RAP1GAP: variants seen among roughly 807,000 people sequenced by gnomAD.
RAP1GAP encodes rap1 GTPase-activating protein 1.
A neutral mutation model predicts 87.2 loss-of-function variants in RAP1GAP; 35 were observed. The ratio of observed to expected loss-of-function variants is 0.40; its 90% confidence interval spans 0.31 to 0.53. The LOEUF (loss-of-function observed/expected upper bound fraction) is 0.53, where lower values mean the gene tolerates loss of function less well. RAP1GAP is among the 20% of genes least tolerant of loss of function. The pLI, the probability that RAP1GAP is intolerant of heterozygous loss-of-function variation, is 0.48. For missense variants in RAP1GAP, 734 were observed against 898.9 expected, an observed-to-expected ratio of 0.82 and a Z score of 2.35; for synonymous variants, 375 against 363.9, an observed-to-expected ratio of 1.03 and a Z score of -0.35.
At chr1:21,606,700 C>T (rs829370) in intron 17 of RAP1GAP, among the ~76,000 whole-genome samples, 138,751 of 152,162 alleles carry the variant, frequency 0.91, 63,263 homozygotes, top group East Asian at 0.97. Context: ...GACCAATCTA[C>T]ACCAAATGCT....
rs1247099727 is a variant in RAP1GAP at position 21,653,575 on chromosome 1, CCTTCCTTCCTTCCTT to C, written c.-148-3794_-148-3780del. 7.6e-5 allele frequency among the ~76,000 whole-genome samples: 10 copies of C among 132,184 alleles called. 1 individual carries two copies. Among genetic ancestry groups the C allele is most frequent in the African/African-American group, 2.5e-4 (9 of 35,806 alleles). The allele number at this position is 132,184 out of a possible 152,430, so 86.7% of individuals were successfully genotyped here. ...TCCTTCCTTCCTTCCTTCCTTCCTT[CCTTCCTTCCTTCCTT>C]CCTCCCTCCCTCCCTCCCTCCTTCC... On this transcript the variant is annotated intron_variant, in intron 1 of 24. Coordinates refer to ENST00000374765, the MANE Select transcript of RAP1GAP (RefSeq NM_002885.4).
intron 2 of RAP1GAP, chr1:21,626,958 G>A (rs1010321100): frequency 1.8e-5 from 8 of 456,618 alleles, no homozygotes; most frequent in African/African-American, 1.4e-4. Flanking sequence ...GGACCCAGCT[G>A]TGCACAGAGG....
Position 21,601,815 on chromosome 1 carries a change from G to A in RAP1GAP, c.1539-18C>T. The A allele has an allele frequency of 1.3e-6, 2 of 1,550,190 alleles. No individual in the cohort carries two copies. Among genetic ancestry groups the A allele is most frequent in the Non-Finnish European group, 1.8e-6 (2 of 1,138,454 alleles). On this transcript the variant is annotated intron_variant, in intron 19 of 24. Transcript: ENST00000374765. The stretch of plus-strand genomic sequence containing the variant: ...GGCTCTCCCTGCGGGGCACACGGGG[G>A]CAGCGGGGGGATTCAGCACCAGGCC...
At chr1:21,637,735 C>A (rs2094984283) in intron 2 of RAP1GAP, among the ~76,000 whole-genome samples, 1 of 151,994 alleles carries the variant, frequency 6.6e-6, no homozygotes, top group Admixed American at 6.6e-5. Context: ...CAAAGAAGGT[C>A]TTTAGTCTTG....
rs2097442406 is a variant in RAP1GAP at position 21,668,259 on chromosome 1, CT to C, written c.-149+994del. On this transcript the variant is annotated intron_variant, in intron 1 of 24. Transcript: ENST00000374765. The surrounding 1 kb of genome is among the most constrained non-coding windows in gnomAD (Gnocchi z 6.2). Reference sequence around the variant, plus strand: ...CATTGCCTTTCTCTCCTACTTCCACCTGGCCAGCTTCCCTCAGTGCCCCTCC... The same window carrying C: ...CATTGCCTTTCTCTCCTACTTCCACCGGCCAGCTTCCCTCAGTGCCCCTCC... 6.6e-6 allele frequency among the ~76,000 whole-genome samples: 1 copy of C among 152,162 alleles called. No homozygotes were observed. Among genetic ancestry groups the C allele is most frequent in the Non-Finnish European group, 1.5e-5 (1 of 68,016 alleles).
intron 2 of RAP1GAP, among the ~76,000 whole-genome samples, chr1:21,645,366 G>T (rs2095944001): frequency 6.6e-6 from 1 of 152,110 alleles, no homozygotes; most frequent in African/African-American, 2.4e-5. Context: ...TGTAATCCTA[G>T]CACTTTGGGA....
At chr1:21,599,387 A>T (rs947549050) in intron 21 of RAP1GAP, 107 bp downstream of exon 21, 15 of 1,472,746 alleles carry the variant, frequency 1.0e-5, no homozygotes, top group Non-Finnish European at 1.4e-5. Context: ...TCCCCTGATC[A>T]CATCTCAGCC....
chr1:21,642,538 C>T (rs1558838211), intron 2 of RAP1GAP, among the ~76,000 whole-genome samples: 1 of 152,214 alleles, frequency 6.6e-6, no homozygotes, highest in Non-Finnish European at 1.5e-5. Context: ...GCTTCCACAG[C>T]CCTGCACTAA....
intron 22 of RAP1GAP, 40 bp from the exon 23 acceptor site, chr1:21,598,104 G>T: frequency 7.4e-7 from 1 of 1,342,430 alleles, no homozygotes; most frequent in South Asian, 1.4e-5. Flanking sequence ...CACTGGCCGC[G>T]GGGAGGCACC....
chr1:21,625,118 C>T (rs995096857), intron 3 of RAP1GAP, among the ~76,000 whole-genome samples: 1 of 152,234 alleles, frequency 6.6e-6, no homozygotes, highest in Admixed American at 6.5e-5. Context: ...CCTGCTGCTG[C>T]TCCCAGCAGC....
intron 18 of RAP1GAP, among the ~76,000 whole-genome samples, chr1:21,604,581 G>A (rs1290756419): frequency 6.6e-6 from 1 of 152,138 alleles, no homozygotes; most frequent in African/African-American, 2.4e-5. Context: ...GCCACCCACA[G>A]GAGGCTGGGT....
intron 2 of RAP1GAP, among the ~76,000 whole-genome samples, chr1:21,646,951 C>T (rs2096111368): frequency 6.6e-6 from 1 of 152,202 alleles, no homozygotes; most frequent in Admixed American, 6.5e-5. Flanking sequence ...CCAGGACTCA[C>T]TGCTCCTTTA....
chr1:21,605,272 A>G (rs2148973387), intron 18 of RAP1GAP, among the ~76,000 whole-genome samples: 1 of 152,320 alleles, frequency 6.6e-6, no homozygotes, highest in South Asian at 2.1e-4. Flanking sequence ...ATGCTCACAC[A>G]GAAGCCAGAT....
intron 2 of RAP1GAP, among the ~76,000 whole-genome samples, chr1:21,643,556 C>CAAA (rs58359978): frequency 1.5e-5 from 1 of 66,470 alleles, no homozygotes; most frequent in Non-Finnish European, 3.1e-5. Context: ...GACTCCGTCT[C>CAAA]AAAAAAAAAA....
At chr1:21,620,146 A>C in intron 3 of RAP1GAP, 96 bp from the exon 4 acceptor site, 1 of 1,344,628 alleles carries the variant, frequency 7.4e-7, no homozygotes. Context: ...ACCAGCTCTG[A>C]TCAGTGACCG....
intron 1 of RAP1GAP, among the ~76,000 whole-genome samples, chr1:21,656,228 C>T (rs1007853004): frequency 1.5e-4 from 23 of 151,890 alleles, no homozygotes; most frequent in African/African-American, 4.8e-4. Flanking sequence ...GTCAGGAGTT[C>T]GAGATCAGCC....
In RAP1GAP at chr1:21,613,663, G is replaced by C; in HGVS notation, c.439C>G (p.Leu147Val). ...TYHDVIPISC[L>V]TEFPNVVQMA... is the part of the protein sequence containing the mutation. ...TGGACAACATTAGGGAACTCGGTGA[G>C]GCAGGAGATGGGGATGACATCATGG... The change falls in exon 9 of 25, where the codon CTC (leucine) becomes GTC (valine). Residue 147 changes from leucine to valine, a missense_variant. By Grantham distance (32) the Leu-to-Val change is conservative. Around this residue, in one of 2 missense-constraint regions of RAP1GAP, gnomAD observed 485 missense variants for 646.2 expected, o/e 0.75. Transcript: ENST00000374765. The surrounding 1 kb of genome is among the most constrained non-coding windows in gnomAD (Gnocchi z 4.7). The C allele has an allele frequency of 6.2e-7, 1 of 1,613,786 alleles. No homozygotes were observed. Among genetic ancestry groups the C allele is most frequent in the Non-Finnish European group, 8.5e-7 (1 of 1,179,844 alleles).
chr1:21,597,638 C>A, intron 24 of RAP1GAP, 48 bp downstream of exon 24: 2 of 1,496,698 alleles, frequency 1.3e-6, no homozygotes, highest in South Asian at 1.2e-5. Flanking sequence ...GCCCTCTACA[C>A]ACCCCCACCC....
intron 3 of RAP1GAP, among the ~76,000 whole-genome samples, chr1:21,621,518 C>T (rs1304960692): frequency 6.6e-6 from 1 of 152,246 alleles, no homozygotes; most frequent in Non-Finnish European, 1.5e-5. Flanking sequence ...AAACCCACCA[C>T]AGGAGTCCAT....
Sources: gnomAD v4.1 joint callset for allele counts (sites outside exome capture counted in the v4.1 genomes callset) on GRCh38, gnomAD v4.1.1 for gene constraint, gnomAD v4.1.1 regional missense constraint, Gnocchi (gnomAD v3.1) non-coding constraint, MANE v1.5 for transcripts, NCBI Gene and HGNC (gene_info 2026-07-23, HGNC 2026-07-21) for gene names.